The following DCC variants were observed in gnomAD, a reference collection of about 807,000 sequenced individuals.
The protein encoded by DCC is DCC netrin 1 receptor, also known as netrin receptor DCC.
DCC carries 58 observed loss-of-function variants against 172.5 expected under a neutral mutation model. The observed-to-expected ratio is 0.34, with a 90% CI of 0.27 to 0.42. The LOEUF (loss-of-function observed/expected upper bound fraction) is 0.42, where lower values mean the gene tolerates loss of function less well. Ranked by LOEUF, DCC falls within the 10% of genes least tolerant of loss-of-function variation. DCC has a pLI of 1.00. For synonymous variants in DCC, 709 were observed against 644.5 expected (o/e 1.10, Z -1.52); for missense variants, 1,740 against 1,791.0 (o/e 0.97, Z 0.51).
chr18:52,379,964 G>A (rs1985515410), intron 1 of DCC, among the ~76,000 whole-genome samples: 2 of 152,154 alleles, frequency 1.3e-5, no homozygotes, highest in South Asian at 4.1e-4. Flanking sequence ...AGGCTGGGAA[G>A]TTCAAGAGCA....
At position 53,533,486 on chromosome 18, in the gene DCC, A is replaced by T. The variant is rs1362291696; in HGVS notation, c.*2833A>T. 1 of 152,130 alleles carries T rather than the reference A, an allele frequency of 6.6e-6. No individual in the cohort carries two copies. Among genetic ancestry groups the T allele is most frequent in the Non-Finnish European group, 1.5e-5 (1 of 68,006 alleles). The allele number at this position is 152,130 out of a possible 1,614,324, so 9.4% of individuals were successfully genotyped here. A position where few individuals can be genotyped will look rare whatever the true frequency, so the allele number is the denominator to read the frequency against. ...GGCAACATCCTCTTTTTTTTAAAAA[A>T]AATGGTATTTTTCTTTAAATTTCAC... On this transcript the variant is annotated 3_prime_UTR_variant, in exon 29 of 29. Transcript: ENST00000442544.
rs528509620 is a variant in DCC, at chr18:52,891,955, C to T, written c.413-14089C>T. On this transcript the variant is annotated intron_variant, in intron 2 of 28. Transcript: ENST00000442544. ...TCTTCCAGATATGTAAATCTGATCA[C>T]GTCATTTCCTTGCTTAAAATCCCTT... Among the ~76,000 whole-genome samples, 13 of 152,168 alleles carry T rather than the reference C, an allele frequency of 8.5e-5. No individual in the cohort carries two copies. In the South Asian group the frequency reaches 1.5e-3, roughly 17 times the overall value.
chr18:53,284,950 G>C (rs1034698415), intron 12 of DCC, among the ~76,000 whole-genome samples: 16 of 152,132 alleles, frequency 1.1e-4, no homozygotes, highest in African/African-American at 3.9e-4. Flanking sequence ...GAGATTTGTA[G>C]AACTTTGAAC....
chr18:52,968,833 AAGC>A (rs2040976884), intron 5 of DCC, among the ~76,000 whole-genome samples: 1 of 152,160 alleles, frequency 6.6e-6, no homozygotes, highest in South Asian at 2.1e-4. Flanking sequence ...TTTTTAGTGT[AAGC>A]AGTTTTTGTG....
chr18:52,704,212 A>G (rs1051355900), intron 1 of DCC, among the ~76,000 whole-genome samples: 1 of 152,112 alleles, frequency 6.6e-6, no homozygotes, highest in Admixed American at 6.5e-5. Context: ...TTCAAATGTA[A>G]TAATTATTTG....
chr18:53,450,724 T>C (rs1402939927), intron 23 of DCC, 62 bp downstream of exon 23: 2 of 1,333,726 alleles, frequency 1.5e-6, no homozygotes, highest in African/African-American at 2.9e-5. Flanking sequence ...ATATTTTTGA[T>C]GGTCCTCTTT....
intron 5 of DCC, among the ~76,000 whole-genome samples, chr18:52,967,629 A>G (rs553543861): frequency 4.6e-5 from 7 of 152,208 alleles, no homozygotes; most frequent in South Asian, 2.1e-4. Context: ...TGGTTAATCT[A>G]TACTTTCTTC....
intron 27 of DCC, among the ~76,000 whole-genome samples, chr18:53,503,832 G>A (rs1391797397): frequency 6.6e-6 from 1 of 152,000 alleles, no homozygotes; most frequent in Non-Finnish European, 1.5e-5. Flanking sequence ...AACTCCATAA[G>A]CACTATATTT....
At chr18:52,431,336 GA>G (rs1049205217) in intron 1 of DCC, among the ~76,000 whole-genome samples, 5 of 150,556 alleles carry the variant, frequency 3.3e-5, no homozygotes, top group Admixed American at 2.0e-4. Flanking sequence ...AGAACATTTA[GA>G]AAAAAAAAGA....
chr18:52,655,306 A>G (rs762433062), intron 1 of DCC, among the ~76,000 whole-genome samples: 1 of 152,110 alleles, frequency 6.6e-6, no homozygotes, highest in Admixed American at 6.5e-5. Context: ...GTCTTAAGAG[A>G]AGGTGAAACC....
chr18:52,414,561 C>T (rs1986952242), intron 1 of DCC, among the ~76,000 whole-genome samples: 1 of 152,148 alleles, frequency 6.6e-6, no homozygotes, highest in Admixed American at 6.6e-5. Flanking sequence ...GATTCTCCCC[C>T]TTGTTATCGT....
At chr18:53,022,890 T>A (rs2041901350) in intron 5 of DCC, among the ~76,000 whole-genome samples, 1 of 152,092 alleles carries the variant, frequency 6.6e-6, no homozygotes, top group African/African-American at 2.4e-5. Flanking sequence ...TTCCAGTACA[T>A]GAGAGCTCAT....
intron 1 of DCC, among the ~76,000 whole-genome samples, chr18:52,698,760 G>A (rs2036053419): frequency 1.1e-5 from 1 of 87,242 alleles, no homozygotes; most frequent in Admixed American, 1.7e-4. Context: ...CACCACGCCT[G>A]GCTATTTTTT....
chr18:52,834,917 A>G (rs2038679097), intron 2 of DCC, among the ~76,000 whole-genome samples: 1 of 152,126 alleles, frequency 6.6e-6, no homozygotes, highest in South Asian at 2.1e-4. Flanking sequence ...CTATATATGT[A>G]TATGTATATT....
Position 53,025,541 on chromosome 18 carries a change from C to T in DCC, c.986-37764C>T, listed in dbSNP as rs116592719. Among the ~76,000 whole-genome samples the T allele has an allele frequency of 5.7e-3, 869 of 152,188 alleles. 11 individuals carry two copies. Among genetic ancestry groups the T allele is most frequent in the African/African-American group, 0.019 (796 of 41,546 alleles). On this transcript the variant is annotated intron_variant, in intron 5 of 28. Transcript: ENST00000442544. ...ATTCAACTGTGATATGGAAGTCTAG[C>T]TCCCAACAGTAGTTTAATGCCAATC...
At chr18:52,623,433 T>A in intron 1 of DCC, among the ~76,000 whole-genome samples, 1 of 152,230 alleles carries the variant, frequency 6.6e-6, no homozygotes, top group South Asian at 2.1e-4. Context: ...GCTTGGCATT[T>A]GCATTATCAG....
At chr18:52,576,829 CAAA>C (rs35498084) in intron 1 of DCC, among the ~76,000 whole-genome samples, 4 of 127,052 alleles carry the variant, frequency 3.1e-5, no homozygotes, top group African/African-American at 2.9e-5. Context: ...GCCTCCATCT[CAAA>C]AAAAAAAAAA....
intron 21 of DCC, among the ~76,000 whole-genome samples, chr18:53,418,249 ATATCT>A (rs1910434143): frequency 6.6e-6 from 1 of 152,188 alleles, no homozygotes; most frequent in African/African-American, 2.4e-5. Flanking sequence ...GTTATAAATA[ATATCT>A]TCAAATTCTT....
intron 1 of DCC, among the ~76,000 whole-genome samples, chr18:52,432,244 G>A (rs1218210642): frequency 6.6e-6 from 1 of 152,130 alleles, no homozygotes; most frequent in African/African-American, 2.4e-5. Context: ...TCATGATCAG[G>A]AGTGGAGAGG....
Sources: allele counts gnomAD v4.1 joint callset (sites outside exome capture counted in the v4.1 genomes callset), GRCh38; gene constraint gnomAD v4.1.1; transcripts MANE v1.5; gene names NCBI Gene and HGNC (gene_info 2026-07-23, HGNC 2026-07-21).